The following RSPH14 variants were observed in gnomAD, a reference collection of about 807,000 sequenced individuals.
The protein encoded by RSPH14 is rhabdoid tumor deletion region gene 1.
A neutral mutation model predicts 26.7 loss-of-function variants in RSPH14; 20 were observed. The observed-to-expected ratio is 0.75, with a 90% CI of 0.53 to 1.09. RSPH14 has a LOEUF of 1.09. Ranked by LOEUF, RSPH14 falls within the 50% of genes least tolerant of loss-of-function variation. The pLI, the probability that RSPH14 is intolerant of heterozygous loss-of-function variation, is 0.00. For missense variants in RSPH14, 449 were observed against 457.2 expected (o/e 0.98, Z 0.16); for synonymous variants, 177 against 189.3 (o/e 0.93, Z 0.53).
chr22:23,154,763 A>G, the RSPH14 span, among the ~76,000 whole-genome samples: 1 of 152,210 alleles, frequency 6.6e-6, no homozygotes, highest in African/African-American at 2.4e-5. Flanking sequence ...CAGAAATGAA[A>G]GAAAATATGA....
At position 23,061,895 on chromosome 22, in the gene RSPH14, A is replaced by G. The variant is rs764412189; in HGVS notation, c.704T>C (p.Ile235Thr). ...TGGGTCTTTCAGCAGATGGACCAGG[A>G]TGGGGATGACGTCAAAATGACACAC... ...KQVCHFDVIP[I>T]LVHLLKDPVE... Residue 235 changes from isoleucine (I) to threonine (T), a missense_variant, in exon 6 of 7, where the codon ATC (isoleucine) becomes ACC (threonine). Coordinates refer to ENST00000216036, the MANE Select transcript of RSPH14 (RefSeq NM_014433.3). 6.2e-7 allele frequency: 1 copy of G among 1,614,194 alleles called. No homozygotes were observed. Among genetic ancestry groups the G allele is most frequent in the Admixed American group, 1.7e-5 (1 of 60,032 alleles).
At chr22:23,159,750 C>A in the RSPH14 span, among the ~76,000 whole-genome samples, 14 of 152,196 alleles carry the variant, frequency 9.2e-5, no homozygotes, top group Non-Finnish European at 1.5e-5. Flanking sequence ...GACAGGGGCT[C>A]CCATCCCTTC....
chr22:23,145,991 T>C, upstream of RSPH14: 1 of 985,272 alleles, frequency 1.0e-6, no homozygotes, highest in Non-Finnish European at 1.2e-6. Flanking sequence ...CCACTCTACT[T>C]CCACTGCCTG....
upstream of RSPH14, among the ~76,000 whole-genome samples, chr22:23,147,173 C>T (rs2070827629): frequency 6.6e-6 from 1 of 152,184 alleles, no homozygotes; most frequent in Admixed American, 6.5e-5. Context: ...CATTCCGCCT[C>T]TATGAGCTTG....
chr22:23,150,283 C>T, the RSPH14 span: 6 of 674,994 alleles, frequency 8.9e-6, no homozygotes, highest in Non-Finnish European at 1.5e-5. Context: ...CTGAAGATGA[C>T]TGGGGTTTTC....
intron 4 of RSPH14, among the ~76,000 whole-genome samples, chr22:23,102,413 A>G (rs952868881): frequency 2.6e-5 from 4 of 152,198 alleles, no homozygotes; most frequent in Non-Finnish European, 5.9e-5. Context: ...GCTCCCAGGG[A>G]GGATGCAGCC....
chr22:23,069,160 G>C (rs2068279205), intron 4 of RSPH14, among the ~76,000 whole-genome samples: 1 of 152,210 alleles, frequency 6.6e-6, no homozygotes, highest in Non-Finnish European at 1.5e-5. Flanking sequence ...GGCAAAGCCA[G>C]GCACATGCCC....
At chr22:23,156,255 G>T in the RSPH14 span, 5 of 490,530 alleles carry the variant, frequency 1.0e-5, no homozygotes, top group African/African-American at 1.0e-4. Context: ...GTGGTAGTGG[G>T]TGCTGGCTTT....
chr22:23,135,605 C>T (rs893561795), intron 3 of RSPH14, among the ~76,000 whole-genome samples: 1 of 151,972 alleles, frequency 6.6e-6, no homozygotes, highest in Non-Finnish European at 1.5e-5. Context: ...TTTAAAAAAA[C>T]CAAAGCTGCA....
chr22:23,171,864 A>C, the RSPH14 span, among the ~76,000 whole-genome samples: 1 of 151,680 alleles, frequency 6.6e-6, no homozygotes, highest in African/African-American at 2.4e-5. Flanking sequence ...ACAAAAAAAA[A>C]AAAACAAGCA....
chr22:23,152,625 T>C, the RSPH14 span: 1 of 1,208,664 alleles, frequency 8.3e-7, no homozygotes, highest in South Asian at 1.2e-5. Context: ...GCAGAAATCA[T>C]GTGGCTTCCA....
chr22:23,175,240 T>A, the RSPH14 span, among the ~76,000 whole-genome samples: 14 of 151,994 alleles, frequency 9.2e-5, no homozygotes, highest in Non-Finnish European at 1.9e-4. Context: ...CCTCATGATC[T>A]GCCCGCCTCG....
At chr22:23,164,688 C>T in the RSPH14 span, among the ~76,000 whole-genome samples, 3 of 152,188 alleles carry the variant, frequency 2.0e-5, no homozygotes, top group Admixed American at 1.3e-4. Context: ...ACAGTGACCG[C>T]GTCCAAGTGC....
At chr22:23,170,287 AC>A in the RSPH14 span, among the ~76,000 whole-genome samples, 1 of 152,176 alleles carries the variant, frequency 6.6e-6, no homozygotes, top group African/African-American at 2.4e-5. Flanking sequence ...TTTTAGAACA[AC>A]AGAAATTTAT....
At chr22:23,137,691 C>T (rs2070506204) in intron 3 of RSPH14, 2 of 460,002 alleles carry the variant, frequency 4.3e-6, no homozygotes, top group Non-Finnish European at 7.9e-6. Context: ...TCCTTCTGGG[C>T]CTGTGCACAC....
At chr22:23,123,104 C>T (rs371206650) in intron 4 of RSPH14, 1 of 1,612,732 alleles carries the variant, frequency 6.2e-7, no homozygotes, top group East Asian at 2.2e-5. Context: ...TGGCAGAGAG[C>T]TTGCGCCTCT....
chr22:23,078,629 C>T (rs527714701), intron 4 of RSPH14, among the ~76,000 whole-genome samples: 5 of 152,354 alleles, frequency 3.3e-5, no homozygotes, highest in African/African-American at 2.4e-5. Flanking sequence ...CCACTGCGGT[C>T]CCCAGGGACC....
intron 3 of RSPH14, among the ~76,000 whole-genome samples, chr22:23,137,241 T>C (rs1484348723): frequency 1.4e-5 from 2 of 138,228 alleles, no homozygotes; most frequent in African/African-American, 5.1e-5. Flanking sequence ...TACAGGCATG[T>C]GTCATCATGC....
At chr22:23,165,562 T>A in the RSPH14 span, among the ~76,000 whole-genome samples, 1 of 152,198 alleles carries the variant, frequency 6.6e-6, no homozygotes, top group Non-Finnish European at 1.5e-5. Context: ...CAGGAAAGAA[T>A]TGGACTTCGG....
Sources: allele counts gnomAD v4.1 joint callset (sites outside exome capture counted in the v4.1 genomes callset), GRCh38; gene constraint gnomAD v4.1.1; transcripts MANE v1.5; gene names NCBI Gene and HGNC (gene_info 2026-07-23, HGNC 2026-07-21).